The following LRRC4C variants were observed in gnomAD, a reference collection of about 807,000 sequenced individuals.
LRRC4C encodes the protein leucine-rich repeat-containing protein 4C.
In LRRC4C, 5 loss-of-function variants were observed where a neutral mutation model predicts 33.6. That is an observed-to-expected ratio of 0.15 (90% CI 0.08 to 0.31). The LOEUF (loss-of-function observed/expected upper bound fraction) is 0.31, where lower values mean the gene tolerates loss of function less well. Among genes scored for constraint, LRRC4C ranks in the 10% least tolerant of loss-of-function variants. The pLI is 1.00. For missense variants in LRRC4C, 560 were observed against 796.7 expected, an observed-to-expected ratio of 0.70 and a Z score of 3.58; for synonymous variants, 329 against 302.0, an observed-to-expected ratio of 1.09 and a Z score of -0.93.
intron 2 of LRRC4C, among the ~76,000 whole-genome samples, chr11:40,790,002 G>A (rs1950561764): frequency 6.6e-6 from 1 of 152,154 alleles, no homozygotes; most frequent in Non-Finnish European, 1.5e-5. Context: ...TTTTGAGATA[G>A]AGAAGAGCAA....
intron 1 of LRRC4C, among the ~76,000 whole-genome samples, chr11:41,328,550 A>C (rs1346707177): frequency 1.3e-5 from 2 of 152,058 alleles, no homozygotes; most frequent in Non-Finnish European, 2.9e-5. Flanking sequence ...CTGAGTTGCT[A>C]ATCTTTCTCT....
intron 2 of LRRC4C, among the ~76,000 whole-genome samples, chr11:40,886,003 T>C (rs780082158): frequency 9.9e-5 from 15 of 152,176 alleles, no homozygotes; most frequent in Middle Eastern, 3.4e-3. Context: ...GTGTCTGAAA[T>C]ATAAAATGTG....
intron 3 of LRRC4C, among the ~76,000 whole-genome samples, chr11:40,397,221 T>A (rs1034252683): frequency 6.6e-6 from 1 of 152,112 alleles, no homozygotes; most frequent in Non-Finnish European, 1.5e-5. Flanking sequence ...AAATATTTCG[T>A]CTTCTAATCT....
chr11:40,915,334 G>C (rs1013708445), intron 2 of LRRC4C, among the ~76,000 whole-genome samples: 27 of 152,194 alleles, frequency 1.8e-4, no homozygotes, highest in African/African-American at 6.5e-4. Context: ...CATGGTACTG[G>C]TACCAAAACA....
At position 41,457,948 on chromosome 11, in the gene LRRC4C, TTTTG is replaced by T. The variant is rs199900064; in HGVS notation, c.-496+1479_-496+1482del. ...CAGAGTATAATCTCTTCTTTAAGTTTTTTGTTTGTTTGTTTGTTTGCTTGTTTTC... is the reference window on the plus strand; with the variant it reads ...CAGAGTATAATCTCTTCTTTAAGTTTTTTGTTTGTTTGTTTGCTTGTTTTC... On this transcript the variant is annotated intron_variant, in intron 1 of 6. Coordinates refer to ENST00000528697, the MANE Select transcript of LRRC4C (RefSeq NM_001258419.2). Among the ~76,000 whole-genome samples, 835 of 152,202 alleles carry T rather than the reference TTTTG, an allele frequency of 5.5e-3. 7 individuals carry two copies. Among genetic ancestry groups the T allele is most frequent in the South Asian group, 0.015 (71 of 4,826 alleles).
intron 2 of LRRC4C, among the ~76,000 whole-genome samples, chr11:40,706,704 A>T (rs1346173492): frequency 6.6e-6 from 1 of 152,002 alleles, no homozygotes; most frequent in Non-Finnish European, 1.5e-5. Context: ...CTCTTTTTTG[A>T]TTCCATATGA....
chr11:40,399,546 G>T (rs1590613075), intron 3 of LRRC4C, among the ~76,000 whole-genome samples: 2 of 152,020 alleles, frequency 1.3e-5, no homozygotes, highest in East Asian at 3.9e-4. Context: ...GGTGGGAGGA[G>T]GGGGGAGGGA....
intron 3 of LRRC4C, among the ~76,000 whole-genome samples, chr11:40,494,288 G>A (rs1268182093): frequency 6.6e-6 from 1 of 152,106 alleles, no homozygotes; most frequent in African/African-American, 2.4e-5. Flanking sequence ...ATTTTTATTT[G>A]TCTTTTATAT....
intron 2 of LRRC4C, among the ~76,000 whole-genome samples, chr11:40,928,076 A>T (rs987308728): frequency 6.6e-6 from 1 of 151,974 alleles, no homozygotes; most frequent in South Asian, 2.1e-4. Flanking sequence ...TTTTTAAAAA[A>T]CCCTATAACT....
intron 3 of LRRC4C, among the ~76,000 whole-genome samples, chr11:40,343,594 T>G (rs1946973832): frequency 6.6e-6 from 1 of 150,920 alleles, no homozygotes; most frequent in Non-Finnish European, 1.5e-5. Flanking sequence ...CACTTATAAG[T>G]GAGAACATAC....
chr11:41,266,768 C>T (rs1168129715), intron 1 of LRRC4C, among the ~76,000 whole-genome samples: 1 of 152,070 alleles, frequency 6.6e-6, no homozygotes, highest in African/African-American at 2.4e-5. Flanking sequence ...AATTAGTCTC[C>T]CTACCAGTGG....
chr11:41,417,076 C>G (rs1163854327), intron 1 of LRRC4C, among the ~76,000 whole-genome samples: 1 of 152,016 alleles, frequency 6.6e-6, no homozygotes, highest in African/African-American at 2.4e-5. Context: ...TCTAGCAACT[C>G]ATTTATAGGC....
At chr11:40,548,055 T>C (rs1956995688) in intron 3 of LRRC4C, among the ~76,000 whole-genome samples, 1 of 152,030 alleles carries the variant, frequency 6.6e-6, no homozygotes, top group African/African-American at 2.4e-5. Context: ...GTAAATGCTA[T>C]TGACTGGATC....
chr11:40,755,506 C>T (rs887944022), intron 2 of LRRC4C, among the ~76,000 whole-genome samples: 3 of 152,174 alleles, frequency 2.0e-5, no homozygotes, highest in East Asian at 1.9e-4. Flanking sequence ...TTAATAGCCT[C>T]CTTATTGCTG....
chr11:41,218,612 T>C (rs1449849974), intron 1 of LRRC4C, among the ~76,000 whole-genome samples: 6 of 152,168 alleles, frequency 3.9e-5, no homozygotes, highest in African/African-American at 1.2e-4. Flanking sequence ...GTCTACTTTA[T>C]GTGTATTTTC....
chr11:40,646,132 G>A (rs1459109120), intron 3 of LRRC4C, among the ~76,000 whole-genome samples: 1 of 151,048 alleles, frequency 6.6e-6, no homozygotes, highest in East Asian at 2.0e-4. Flanking sequence ...TTTCCTGAAT[G>A]TAACCTGATT....
chr11:40,255,333 G>GT (rs1373879555), intron 4 of LRRC4C, among the ~76,000 whole-genome samples: 5 of 152,142 alleles, frequency 3.3e-5, no homozygotes, highest in Admixed American at 3.3e-4. Flanking sequence ...AACACTGAGT[G>GT]TGGAGCAAGC....
At chr11:41,042,342 A>G (rs1857492207) in intron 1 of LRRC4C, among the ~76,000 whole-genome samples, 1 of 152,176 alleles carries the variant, frequency 6.6e-6, no homozygotes, top group Non-Finnish European at 1.5e-5. Context: ...GATATACACA[A>G]TCACCAAAAG....
In LRRC4C at chr11:40,576,760, C is replaced by A. The variant is rs138740652; in HGVS notation, c.-270+71382G>T. ...ATTATCACATTGTATCATGATTATT[C>A]GTTCCTCTGTTAATCTCTCTTGTTT... On this transcript the variant is annotated intron_variant, in intron 3 of 6. Transcript: ENST00000528697. 2.6e-4 allele frequency among the ~76,000 whole-genome samples: 40 copies of A among 152,234 alleles called. 2 individuals carry two copies. Among genetic ancestry groups the A allele is most frequent in the African/African-American group, 9.6e-4 (40 of 41,548 alleles).
Sources: gnomAD v4.1 joint callset for allele counts (sites outside exome capture counted in the v4.1 genomes callset) on GRCh38, gnomAD v4.1.1 for gene constraint, MANE v1.5 for transcripts, NCBI Gene and HGNC (gene_info 2026-07-23, HGNC 2026-07-21) for gene names.